TSBP1: variants seen among roughly 807,000 people sequenced by gnomAD.
TSBP1 encodes the protein testis expressed basic protein 1.
A neutral mutation model predicts 68.8 loss-of-function variants in TSBP1; 56 were observed. The ratio of observed to expected loss-of-function variants is 0.81; its 90% CI spans 0.66 to 1.02. TSBP1 has a LOEUF of 1.02. Among genes scored for constraint, TSBP1 ranks in the 50% least tolerant of loss-of-function variants. The probability of loss-of-function intolerance (pLI) is 0.00; values close to 1 mark genes in which losing one functional copy is unlikely to be tolerated. For synonymous variants in TSBP1, 171 were observed against 208.7 expected (o/e 0.82, Z 1.56); for missense variants, 502 against 641.2 (o/e 0.78, Z 2.34).
Position 32,301,794 on chromosome 6 carries a change from G to T in TSBP1, c.601+815C>A, listed in dbSNP as rs192285781. On this transcript the variant is annotated intron_variant, in intron 20 of 22. Coordinates refer to ENST00000612031, the Ensembl canonical transcript of TSBP1. ...AGGATTGTTTACCAGAGATACATAT[G>T]TGGAGTTAGGGTATTTAAAAATGGG... Among the ~76,000 whole-genome samples the T allele has an allele frequency of 7.0e-3, 1,007 of 143,112 alleles. 18 individuals carry two copies. The highest frequency in any genetic ancestry group is 0.021 in the East Asian group (103 of 4,964). 93.9% of individuals were successfully genotyped at this position (143,112 alleles called of 152,430 possible). A position where few individuals can be genotyped will look rare whatever the true frequency, so the allele number is the denominator to read the frequency against.
chr6:32,328,566 C>T (rs997022165), intron 16 of TSBP1, among the ~76,000 whole-genome samples: 3 of 152,102 alleles, frequency 2.0e-5, no homozygotes, highest in African/African-American at 7.2e-5. Context: ...CAGGCATGCG[C>T]TACCATGCCT....
intron 14 of TSBP1, 37 bp from the exon 16 acceptor site, chr6:32,332,091 A>G: frequency 7.9e-6 from 12 of 1,519,622 alleles, no homozygotes; most frequent in Non-Finnish European, 1.1e-5. Flanking sequence ...TAGTACAGTT[A>G]TTTGGAGAGT....
intron 16 of TSBP1, chr6:32,323,925 A>C (rs2127590741): frequency 2.7e-6 from 1 of 373,040 alleles, no homozygotes. Flanking sequence ...ACTGATGGCA[A>C]GTGAAATGAA....
chr6:32,360,778 T>C (rs1772919683), intron 6 of TSBP1, among the ~76,000 whole-genome samples: 2 of 152,196 alleles, frequency 1.3e-5, no homozygotes, highest in African/African-American at 4.8e-5. Context: ...ATTAGTGATA[T>C]TGTGCACCTT....
chr6:32,370,155 C>T (rs1336485927), intron 1 of TSBP1, among the ~76,000 whole-genome samples, 172 bp from the exon 2 acceptor site: 1 of 151,912 alleles, frequency 6.6e-6, no homozygotes, highest in Non-Finnish European at 1.5e-5. Flanking sequence ...CACATTCCCG[C>T]CCCTGCCCAT....
At chr6:32,293,801 T>G (rs1764418030) in exon 23 of TSBP1, 3 of 1,612,960 alleles carry the variant, frequency 1.9e-6, no homozygotes, top group Admixed American at 3.3e-5. Context: ...TACCTTGACC[T>G]CCATTCCTAT....
At chr6:32,297,045 GA>G (rs1764796372) in intron 22 of TSBP1, among the ~76,000 whole-genome samples, 4 of 151,984 alleles carry the variant, frequency 2.6e-5, no homozygotes, top group African/African-American at 9.7e-5. Flanking sequence ...ATTTATTTTT[GA>G]GTAATCTAGC....
chr6:32,321,630 T>A lies in TSBP1; in HGVS notation c.559+1487A>T, dbSNP rs1767650014. ...TCTTTGCTAAGGCTTCAGAAAGATG[T>A]GTGGATGAGGACTTTGGAGAGACAC... is the stretch of plus-strand genomic sequence containing the variant. On this transcript the variant is annotated intron_variant, in intron 18 of 22. Coordinates refer to ENST00000612031, the Ensembl canonical transcript of TSBP1. This position sits in a 1 kb window ranked among gnomAD's most constrained non-coding sequence, Gnocchi z 4.3. 6.6e-6 allele frequency among the ~76,000 whole-genome samples: 1 copy of A among 152,218 alleles called. No homozygotes were observed. Among genetic ancestry groups the A allele is most frequent in the African/African-American group, 2.4e-5 (1 of 41,468 alleles).
intron 19 of TSBP1, among the ~76,000 whole-genome samples, chr6:32,313,187 A>C (rs1038048172): frequency 1.9e-4 from 29 of 149,826 alleles, no homozygotes; most frequent in African/African-American, 6.9e-4. Flanking sequence ...CCTGAAGCAC[A>C]CTCCCCCTTC....
At chr6:32,296,506 T>C (rs1235668797) in intron 22 of TSBP1, among the ~76,000 whole-genome samples, 2 of 152,238 alleles carry the variant, frequency 1.3e-5, no homozygotes, top group Admixed American at 1.3e-4. Context: ...TCAGTGGTAA[T>C]ATATTTCAAG....
intron 19 of TSBP1, among the ~76,000 whole-genome samples, chr6:32,303,345 C>A (rs1765486115): frequency 6.6e-6 from 1 of 151,104 alleles, no homozygotes; most frequent in African/African-American, 2.4e-5. Flanking sequence ...TTTTGAAGCA[C>A]TGTTGTTTGG....
intron 6 of TSBP1, among the ~76,000 whole-genome samples, chr6:32,364,001 G>A (rs758432251): frequency 6.6e-5 from 10 of 152,068 alleles, no homozygotes; most frequent in Admixed American, 2.0e-4. Context: ...ACAGCTTTAC[G>A]GGTAAAGAGT....
intron 16 of TSBP1, among the ~76,000 whole-genome samples, chr6:32,328,244 AT>A (rs879662212): frequency 6.7e-6 from 1 of 149,386 alleles, no homozygotes. Flanking sequence ...GCCCGGCCTC[AT>A]TTTTTTTTGT....
At position 32,323,893 on chromosome 6, in the gene TSBP1, A is replaced by G. The variant is rs1767921863; in HGVS notation, c.515-279T>C. ...GGGAAAGGAGAGATTCCAGAATCCTACGGTGGTGAAAACATGGACATACTG... is the reference window on the plus strand; with the variant it reads ...GGGAAAGGAGAGATTCCAGAATCCTGCGGTGGTGAAAACATGGACATACTG... On this transcript the variant is annotated intron_variant, in intron 16 of 22. Coordinates refer to ENST00000612031, the Ensembl canonical transcript of TSBP1. The G allele has an allele frequency of 3.9e-5, 18 of 464,410 alleles. No homozygotes were observed. In the East Asian group the frequency reaches 6.2e-4, roughly 16 times the overall value. 28.8% of individuals were successfully genotyped at this position (464,410 alleles called of 1,614,324 possible).
At position 32,340,992 on chromosome 6, in the gene TSBP1, C is replaced by T. The variant is rs547278070; in HGVS notation, c.350-1354G>A. Among the ~76,000 whole-genome samples the T allele has an allele frequency of 4.6e-5, 7 of 152,122 alleles. No homozygotes were observed. Among genetic ancestry groups the T allele is most frequent in the South Asian group, 2.1e-4 (1 of 4,816 alleles). On this transcript the variant is annotated intron_variant, in intron 9 of 22. Transcript: ENST00000612031. This position sits in a 1 kb window ranked among gnomAD's most constrained non-coding sequence, Gnocchi z 4.8. ...TGTATTTTTAGTAGAGATGGGGTTT[C>T]GCCATGTTGGCCAGGCTGGTCTCAA...
At chr6:32,308,725 A>G (rs1265776) in intron 19 of TSBP1, among the ~76,000 whole-genome samples, 50,686 of 151,404 alleles carry the variant, frequency 0.33, 9,585 homozygotes, top group Middle Eastern at 0.52. Flanking sequence ...GATGTATGTC[A>G]CATTTCTATT....
At chr6:32,358,618 A>G (rs1445369271) in intron 6 of TSBP1, among the ~76,000 whole-genome samples, 1 of 151,156 alleles carries the variant, frequency 6.6e-6, no homozygotes, top group East Asian at 2.0e-4. Flanking sequence ...CCTGTGTCCA[A>G]GTGTTCTCAT....
Position 32,366,271 on chromosome 6 carries a change from A to G in TSBP1, c.196+2T>C. 6.3e-7 allele frequency: 1 copy of G among 1,597,664 alleles called. No individual in the cohort carries two copies. Among genetic ancestry groups the G allele is most frequent in the Non-Finnish European group, 8.5e-7 (1 of 1,174,120 alleles). Reference sequence around the variant, plus strand: ...TAATTTCTTAGCAATACAATAATTTACCACTTTGTGTTGAATATGCATGTC... The same window carrying G: ...TAATTTCTTAGCAATACAATAATTTGCCACTTTGTGTTGAATATGCATGTC... On this transcript the variant is annotated splice_donor_variant, in intron 5 of 22. Transcript: ENST00000612031. LOFTEE classifies it high-confidence loss of function.
In TSBP1 at chr6:32,304,820, G is replaced by A. The variant is rs1388308116; in HGVS notation, c.581-2191C>T. On this transcript the variant is annotated intron_variant, in intron 19 of 22. Coordinates refer to ENST00000612031, the Ensembl canonical transcript of TSBP1. The surrounding 1 kb of genome is among the most constrained non-coding windows in gnomAD (Gnocchi z 4.8). Reference sequence around the variant, plus strand: ...TTTTCTTTTTCTTTTCAGTTTTTATGAGAATTTAAAACTCTTCAAGAGTTA... The same window carrying A: ...TTTTCTTTTTCTTTTCAGTTTTTATAAGAATTTAAAACTCTTCAAGAGTTA... Among the ~76,000 whole-genome samples, 1 of 150,454 alleles carries A rather than the reference G, an allele frequency of 6.6e-6. No individual in the cohort carries two copies. The highest frequency in any genetic ancestry group is 1.5e-5 in the Non-Finnish European group (1 of 67,558).
Sources: gnomAD v4.1 joint callset for allele counts (sites outside exome capture counted in the v4.1 genomes callset) on GRCh38, gnomAD v4.1.1 for gene constraint, Gnocchi (gnomAD v3.1) non-coding constraint, MANE v1.5 for transcripts, NCBI Gene and HGNC (gene_info 2026-07-23, HGNC 2026-07-21) for gene names.